Variants in CCDC178 observed in about 807,000 individuals in gnomAD.
The protein encoded by CCDC178 is coiled-coil domain-containing protein 178.
A neutral mutation model predicts 117.4 loss-of-function variants in CCDC178; 126 were observed. That is an observed-to-expected ratio of 1.07 (90% CI 0.93 to 1.24). The LOEUF (loss-of-function observed/expected upper bound fraction) is 1.24. Among genes scored for constraint, CCDC178 ranks in the 50% most tolerant of loss-of-function variants. CCDC178 has a pLI of 0.00. For synonymous variants in CCDC178, 283 were observed against 313.4 expected (o/e 0.90, Z 1.02); for missense variants, 1,030 against 986.9 (o/e 1.04, Z -0.59).
chr18:33,313,468 A>C (rs1568137474), intron 11 of CCDC178, among the ~76,000 whole-genome samples: 1 of 152,182 alleles, frequency 6.6e-6, no homozygotes, highest in Non-Finnish European at 1.5e-5. Flanking sequence ...AAGCCTCCAA[A>C]TGTAGTTATA....
At chr18:33,027,833 A>C (rs1299214181) in intron 21 of CCDC178, among the ~76,000 whole-genome samples, 1 of 151,730 alleles carries the variant, frequency 6.6e-6, no homozygotes, top group African/African-American at 2.4e-5. Context: ...AGTATCACAA[A>C]GATAACTACG....
At chr18:33,082,020 T>C (rs2057305519) in intron 21 of CCDC178, among the ~76,000 whole-genome samples, 1 of 152,168 alleles carries the variant, frequency 6.6e-6, no homozygotes, top group Non-Finnish European at 1.5e-5. Context: ...TCTTAAAGGG[T>C]CAGACTGTAC....
At chr18:33,044,815 T>G (rs2056613283) in intron 21 of CCDC178, among the ~76,000 whole-genome samples, 1 of 152,194 alleles carries the variant, frequency 6.6e-6, no homozygotes, top group South Asian at 2.1e-4. Context: ...TACAGTGGAA[T>G]ACTACTGATG....
chr18:33,192,612 C>T (rs2058872931), intron 20 of CCDC178, among the ~76,000 whole-genome samples: 1 of 152,174 alleles, frequency 6.6e-6, no homozygotes, highest in Non-Finnish European at 1.5e-5. Flanking sequence ...GTAAAATCCT[C>T]TCTATGGGCC....
chr18:33,072,421 TGCAATA>T (rs2057125445), intron 21 of CCDC178, among the ~76,000 whole-genome samples: 1 of 152,096 alleles, frequency 6.6e-6, no homozygotes, highest in South Asian at 2.1e-4. Context: ...ATATATAATA[TGCAATA>T]GCCACTATGT....
At chr18:33,282,819 C>T (rs932439748) in intron 12 of CCDC178, among the ~76,000 whole-genome samples, 5 of 152,112 alleles carry the variant, frequency 3.3e-5, no homozygotes, top group East Asian at 1.9e-4. Context: ...CCAGCAAGCC[C>T]GGCTCCCCGC....
At chr18:33,294,559 C>G (rs571035547) in intron 11 of CCDC178, among the ~76,000 whole-genome samples, 1 of 152,250 alleles carries the variant, frequency 6.6e-6, no homozygotes, top group African/African-American at 2.4e-5. Flanking sequence ...TCAAATGAAA[C>G]CGAAATCTAC....
chr18:33,437,179 G>C (rs998889720), intron 2 of CCDC178, among the ~76,000 whole-genome samples: 1 of 152,108 alleles, frequency 6.6e-6, no homozygotes, highest in Non-Finnish European at 1.5e-5. Flanking sequence ...GTAATTTTTA[G>C]ACTCAACAGT....
At chr18:32,961,425 G>T (rs2054700863) in intron 22 of CCDC178, among the ~76,000 whole-genome samples, 1 of 151,920 alleles carries the variant, frequency 6.6e-6, no homozygotes, top group Non-Finnish European at 1.5e-5. Flanking sequence ...ATTGAGCTTG[G>T]TGTTGCATGG....
intron 9 of CCDC178, among the ~76,000 whole-genome samples, chr18:33,339,560 A>T (rs900822220): frequency 2.0e-5 from 3 of 151,514 alleles, no homozygotes; most frequent in African/African-American, 7.3e-5. Flanking sequence ...TGGAAGAGAG[A>T]CCTTGATATG....
intron 19 of CCDC178, among the ~76,000 whole-genome samples, chr18:33,214,615 G>A (rs970121800): frequency 2.0e-5 from 3 of 151,996 alleles, no homozygotes; most frequent in Admixed American, 1.3e-4. Context: ...TAAACAAGGT[G>A]GATAAATATC....
At chr18:33,194,507 C>G (rs1211762698) in intron 20 of CCDC178, among the ~76,000 whole-genome samples, 1 of 152,184 alleles carries the variant, frequency 6.6e-6, no homozygotes, top group Non-Finnish European at 1.5e-5. Context: ...AGTGACTTCA[C>G]ATTCACCAAC....
chr18:32,968,189 T>C (rs898167884), intron 22 of CCDC178, among the ~76,000 whole-genome samples: 4 of 151,990 alleles, frequency 2.6e-5, no homozygotes, highest in African/African-American at 7.2e-5. Flanking sequence ...TGTTCTACTC[T>C]CTACTTCTAT....
intron 12 of CCDC178, among the ~76,000 whole-genome samples, chr18:33,275,320 C>T (rs965612961): frequency 2.6e-5 from 4 of 151,662 alleles, no homozygotes; most frequent in Non-Finnish European, 5.9e-5. Flanking sequence ...TTTTGAAAAA[C>T]ATACTTAGTT....
At chr18:33,037,422 A>C (rs951248734) in intron 21 of CCDC178, among the ~76,000 whole-genome samples, 15 of 151,952 alleles carry the variant, frequency 9.9e-5, no homozygotes, top group Non-Finnish European at 2.9e-5. Flanking sequence ...GCTCTAACTT[A>C]TCTGTCATTG....
intron 20 of CCDC178, among the ~76,000 whole-genome samples, chr18:33,111,376 T>G (rs1274587522): frequency 6.6e-6 from 1 of 151,686 alleles, no homozygotes; most frequent in Non-Finnish European, 1.5e-5. Flanking sequence ...TTAAACAAGT[T>G]ATTTTCTGCT....
intron 20 of CCDC178, among the ~76,000 whole-genome samples, chr18:33,196,827 G>T (rs271526): frequency 0.16 from 24,488 of 152,024 alleles, 2,749 homozygotes; most frequent in African/African-American, 0.32. Flanking sequence ...CTGCTGAAAT[G>T]GGGAGTTTTT....
At chr18:33,051,740 C>T (rs1284470611) in intron 21 of CCDC178, among the ~76,000 whole-genome samples, 1 of 152,184 alleles carries the variant, frequency 6.6e-6, no homozygotes, top group Non-Finnish European at 1.5e-5. Flanking sequence ...GTGGTCACTG[C>T]TGACTCTGGT....
intron 22 of CCDC178, among the ~76,000 whole-genome samples, chr18:32,950,685 C>T (rs752669446): frequency 1.4e-4 from 21 of 152,090 alleles, no homozygotes; most frequent in Non-Finnish European, 2.8e-4. Context: ...ACTTCAGCTA[C>T]TTGAAGTTAG....
Sources: allele counts gnomAD v4.1 joint callset (sites outside exome capture counted in the v4.1 genomes callset), GRCh38; gene constraint gnomAD v4.1.1; transcripts MANE v1.5; gene names NCBI Gene and HGNC (gene_info 2026-07-23, HGNC 2026-07-21).